KLRG1: variants seen among roughly 807,000 people sequenced by gnomAD.
KLRG1 encodes killer cell lectin like receptor G1.
KLRG1 carries 16 observed loss-of-function variants against 21.8 expected under a neutral mutation model. The observed-to-expected ratio is 0.73, with a 90% CI of 0.50 to 1.11. The LOEUF (loss-of-function observed/expected upper bound fraction) is 1.11, where lower values mean the gene tolerates loss of function less well. Ranked by LOEUF, KLRG1 falls within the 50% of genes most tolerant of loss-of-function variation. The pLI, the probability that KLRG1 is intolerant of heterozygous loss-of-function variation, is 0.00. For missense variants in KLRG1, 173 were observed against 218.3 expected, an observed-to-expected ratio of 0.79 and a Z score of 1.31; for synonymous variants, 69 against 75.9, an observed-to-expected ratio of 0.91 and a Z score of 0.47.
chr12:9,197,923 A>G, the KLRG1 span, among the ~76,000 whole-genome samples: 2 of 129,330 alleles, frequency 1.5e-5, no homozygotes, highest in African/African-American at 3.0e-5. Context: ...TATATATTAT[A>G]TAAGTTATCT....
chr12:8,999,727 G>A (rs1947249910), intron 3 of KLRG1, among the ~76,000 whole-genome samples: 1 of 152,104 alleles, frequency 6.6e-6, no homozygotes, highest in African/African-American at 2.4e-5. Flanking sequence ...GTTTCCTCAT[G>A]TACAAAGTGA....
At chr12:9,085,334 A>G in the KLRG1 span, among the ~76,000 whole-genome samples, 7 of 152,132 alleles carry the variant, frequency 4.6e-5, no homozygotes, top group Non-Finnish European at 2.9e-5. Context: ...CAATACTATG[A>G]AAACTAGAAA....
the KLRG1 span, among the ~76,000 whole-genome samples, chr12:9,170,431 G>C: frequency 2.8e-4 from 43 of 152,294 alleles, no homozygotes; most frequent in East Asian, 7.5e-3. This position sits in a 1 kb window ranked among gnomAD's most constrained non-coding sequence, Gnocchi z 4.6. Context: ...GGAAAGGCAG[G>C]AAATCTGTTT....
the KLRG1 span, among the ~76,000 whole-genome samples, chr12:9,184,019 A>G: frequency 4.3e-3 from 649 of 152,352 alleles, 4 homozygotes; most frequent in African/African-American, 0.014. Flanking sequence ...CTTGAGTTCA[A>G]CAAGGAAAGT....
intron 1 of KLRG1, among the ~76,000 whole-genome samples, chr12:8,982,800 C>T (rs781646633): frequency 6.6e-6 from 1 of 152,100 alleles, no homozygotes; most frequent in Non-Finnish European, 1.5e-5. Context: ...CACCTGCCAC[C>T]ACGCCTGGCT....
chr12:9,185,111 C>G, the KLRG1 span, among the ~76,000 whole-genome samples: 2 of 152,114 alleles, frequency 1.3e-5, no homozygotes, highest in African/African-American at 4.8e-5. Context: ...AGAATTCAGA[C>G]TATGGATAGG....
the KLRG1 span, chr12:9,068,950 G>A: frequency 1.0e-5 from 7 of 690,174 alleles, no homozygotes; most frequent in South Asian, 1.4e-4. Context: ...TTATCCTACA[G>A]CACACTATAG....
chr12:9,057,165 A>G, the KLRG1 span, among the ~76,000 whole-genome samples: 7 of 152,222 alleles, frequency 4.6e-5, no homozygotes, highest in African/African-American at 1.4e-4. Context: ...AACAAGATGT[A>G]CAAGGGTTTA....
chr12:9,119,866 GCCT>G, the KLRG1 span, among the ~76,000 whole-genome samples: 1 of 152,176 alleles, frequency 6.6e-6, no homozygotes, highest in South Asian at 2.1e-4. Flanking sequence ...CCACGACAGA[GCCT>G]CCTATTCTTT....
the KLRG1 span, chr12:9,202,453 G>T: frequency 1.9e-6 from 3 of 1,612,134 alleles, no homozygotes; most frequent in South Asian, 2.2e-5. Context: ...ACGGGGCTAG[G>T]ATAATGGAGA....
At chr12:9,111,649 A>G in the KLRG1 span, 2 of 405,916 alleles carry the variant, frequency 4.9e-6, no homozygotes, top group Non-Finnish European at 9.6e-6. Context: ...TGAGATAAGA[A>G]AATGTGAAGA....
chr12:9,197,847 AT>A, the KLRG1 span, among the ~76,000 whole-genome samples: 1 of 115,864 alleles, frequency 8.6e-6, no homozygotes, highest in African/African-American at 3.5e-5. Context: ...TATATAATAT[AT>A]AATATTAATT....
chr12:8,976,352 T>C (rs1224758968), intron 1 of KLRG1, among the ~76,000 whole-genome samples: 1 of 152,236 alleles, frequency 6.6e-6, no homozygotes, highest in Non-Finnish European at 1.5e-5. Context: ...TATCTTCTTA[T>C]GTTTGTTACA....
chr12:9,169,378 T>C, the KLRG1 span: 1 of 1,455,306 alleles, frequency 6.9e-7, no homozygotes, highest in Non-Finnish European at 9.3e-7. Context: ...AGAGTTTTAT[T>C]AACATTCAAA....
the KLRG1 span, chr12:9,068,747 G>A: frequency 2.8e-5 from 45 of 1,599,806 alleles, no homozygotes; most frequent in Admixed American, 1.0e-4. Context: ...CACCCGTCTC[G>A]TAGTAATCAT....
chr12:9,106,337 A>G, the KLRG1 span: 8 of 1,602,514 alleles, frequency 5.0e-6, no homozygotes, highest in Non-Finnish European at 6.8e-6. Context: ...CTTCCAGTCA[A>G]TTCCACCACT....
At chr12:8,976,765 GAC>G (rs1356546568) in intron 1 of KLRG1, among the ~76,000 whole-genome samples, 1 of 150,768 alleles carries the variant, frequency 6.6e-6, no homozygotes, top group African/African-American at 2.4e-5. Flanking sequence ...TTTTTTTTGA[GAC>G]AGAGTTTTGC....
the KLRG1 span, among the ~76,000 whole-genome samples, chr12:9,082,212 T>C: frequency 6.6e-6 from 1 of 152,178 alleles, no homozygotes; most frequent in Non-Finnish European, 1.5e-5. Flanking sequence ...CTAAGAAGTA[T>C]AGTATTTATT....
At chr12:8,954,423 C>A (rs1316175795) in intron 1 of KLRG1, among the ~76,000 whole-genome samples, 8 of 147,000 alleles carry the variant, frequency 5.4e-5, no homozygotes, top group Admixed American at 6.8e-5. Flanking sequence ...CTCTTACCAC[C>A]AAAAAAAAAA....
Sources: gnomAD v4.1 joint callset for allele counts (sites outside exome capture counted in the v4.1 genomes callset) on GRCh38, gnomAD v4.1.1 for gene constraint, Gnocchi (gnomAD v3.1) non-coding constraint, MANE v1.5 for transcripts, NCBI Gene and HGNC (gene_info 2026-07-23, HGNC 2026-07-21) for gene names.